Variants in GRIN2A observed in about 807,000 individuals in gnomAD.
The protein encoded by GRIN2A is glutamate ionotropic receptor NMDA type subunit 2A.
Under a neutral mutation model 113.4 loss-of-function variants are expected in GRIN2A, and 22 were observed. The ratio of observed to expected loss-of-function variants is 0.19; its 90% confidence interval spans 0.14 to 0.28. The LOEUF is 0.28. Ranked by LOEUF, GRIN2A falls within the 10% of genes least tolerant of loss-of-function variation. The pLI is 1.00. For synonymous variants in GRIN2A, 827 were observed against 738.4 expected (o/e 1.12, Z -1.94); for missense variants, 1,502 against 1,887.0 (o/e 0.80, Z 3.78).
chr16:9,871,795 G>C (rs2043266844), intron 4 of GRIN2A, among the ~76,000 whole-genome samples: 1 of 151,868 alleles, frequency 6.6e-6, no homozygotes, highest in Non-Finnish European at 1.5e-5. Context: ...TTTTTTTTTG[G>C]AATGATGCAA....
intron 2 of GRIN2A, among the ~76,000 whole-genome samples, chr16:10,135,783 A>G (rs1489383846): frequency 6.6e-6 from 1 of 152,198 alleles, no homozygotes; most frequent in Non-Finnish European, 1.5e-5. Flanking sequence ...CTCTTAAGGC[A>G]TCTGACTGAT....
At chr16:10,004,841 T>C (rs2046378543) in intron 2 of GRIN2A, among the ~76,000 whole-genome samples, 1 of 152,172 alleles carries the variant, frequency 6.6e-6, no homozygotes, top group Non-Finnish European at 1.5e-5. Context: ...CCTTTTGTCA[T>C]GTAAGGTAAC....
chr16:9,862,455 AC>A (rs1001914593), intron 4 of GRIN2A, among the ~76,000 whole-genome samples: 4 of 152,146 alleles, frequency 2.6e-5, no homozygotes, highest in African/African-American at 9.7e-5. Flanking sequence ...TCCATGAACA[AC>A]CCGCATCTCT....
At chr16:9,843,187 T>C (rs2042713795) in intron 5 of GRIN2A, among the ~76,000 whole-genome samples, 1 of 152,020 alleles carries the variant, frequency 6.6e-6, no homozygotes. Flanking sequence ...TTTTCTTTTT[T>C]ACATTTTTAG....
chr16:9,987,464 A>G (rs1236638320), intron 2 of GRIN2A, among the ~76,000 whole-genome samples: 1 of 152,206 alleles, frequency 6.6e-6, no homozygotes, highest in Non-Finnish European at 1.5e-5. Context: ...AATAGTAGCT[A>G]CCTGATAACA....
At chr16:10,035,608 C>T (rs1466852303) in intron 2 of GRIN2A, among the ~76,000 whole-genome samples, 1 of 152,230 alleles carries the variant, frequency 6.6e-6, no homozygotes, top group Non-Finnish European at 1.5e-5. Context: ...GCATCACCCA[C>T]TGGAGTCACC....
rs768453672 is a variant in GRIN2A, at chr16:9,762,266, A to G, written c.*883T>C. ...CTGAGTCATCACCAGAAGGGAGGAA[A>G]TGCAAACTTACGTACATAGGCGTCT... On this transcript the variant is annotated 3_prime_UTR_variant, in exon 13 of 13. Transcript: ENST00000330684. The G allele has an allele frequency of 1.3e-5, 3 of 225,870 alleles. No individual in the cohort carries two copies. Among genetic ancestry groups the G allele is most frequent in the South Asian group, 3.6e-4 (2 of 5,480 alleles). The allele number at this position is 225,870 out of a possible 1,614,324, so 14.0% of individuals were successfully genotyped here. A position where few individuals can be genotyped will look rare whatever the true frequency, so the allele number is the denominator to read the frequency against.
chr16:10,095,538 T>C (rs918146670), intron 2 of GRIN2A, among the ~76,000 whole-genome samples: 1 of 152,168 alleles, frequency 6.6e-6, no homozygotes, highest in African/African-American at 2.4e-5. Flanking sequence ...AAAACATCAA[T>C]GGATGCTAAA....
At chr16:9,829,699 C>G (rs375306587) in intron 8 of GRIN2A, 47 bp from the exon 9 acceptor site, 6 of 1,417,906 alleles carry the variant, frequency 4.2e-6, no homozygotes, top group Non-Finnish European at 6.0e-6. Context: ...GAAAAAAATG[C>G]CTGTTTGTGT....
At chr16:10,094,597 C>G (rs2048248831) in intron 2 of GRIN2A, among the ~76,000 whole-genome samples, 1 of 151,938 alleles carries the variant, frequency 6.6e-6, no homozygotes, top group Non-Finnish European at 1.5e-5. Flanking sequence ...GTACAGGCAC[C>G]CACCACAATG....
intron 2 of GRIN2A, among the ~76,000 whole-genome samples, chr16:10,054,813 C>T (rs912526386): frequency 2.0e-5 from 3 of 151,384 alleles, no homozygotes; most frequent in South Asian, 2.1e-4. Flanking sequence ...TTTGGGAGGC[C>T]GAGGTGGGCG....
chr16:10,111,565 AAG>A lies in GRIN2A; in HGVS notation c.414+68431_414+68432del, dbSNP rs1199761692. 4.8e-6 allele frequency: 4 copies of A among 837,094 alleles called. No individual in the cohort carries two copies. The East Asian group carries it at 9.7e-5, about 20-fold the overall frequency. The allele number at this position is 837,094 out of a possible 1,614,324, so 51.9% of individuals were successfully genotyped here. ...AGCCCTGACCCGGAAGATCATGCTG[AAG>A]ACACCACTGATCTCTTCCCCTATGG... On this transcript the variant is annotated intron_variant, in intron 2 of 12. Coordinates refer to ENST00000330684, the MANE Select transcript of GRIN2A (RefSeq NM_001134407.3).
Position 10,054,917 on chromosome 16 carries a change from C to T in GRIN2A, c.415-116366G>A, listed in dbSNP as rs7184932. On this transcript the variant is annotated intron_variant, in intron 2 of 12. Coordinates refer to ENST00000330684, the MANE Select transcript of GRIN2A (RefSeq NM_001134407.3). ...AAAAAATTAGCCGGACATGGTGGCA[C>T]GCGTCTGTAGTCCCAACTACTCAGG... Among the ~76,000 whole-genome samples the T allele has an allele frequency of 6.6e-3, 996 of 151,024 alleles. 14 individuals carry two copies. The highest frequency in any genetic ancestry group is 0.022 in the African/African-American group (888 of 41,182).
At chr16:9,853,161 G>T (rs749770663) in intron 4 of GRIN2A, among the ~76,000 whole-genome samples, 20 of 152,192 alleles carry the variant, frequency 1.3e-4, no homozygotes, top group Non-Finnish European at 2.6e-4. Flanking sequence ...AATTGTGGAG[G>T]AGCAGAGAAG....
At position 9,829,650 on chromosome 16, in the gene GRIN2A, G is replaced by A. The variant is rs367543140; in HGVS notation, c.1780C>T (p.Pro594Ser). The A allele has an allele frequency of 1.4e-5, 23 of 1,608,676 alleles. No individual in the cohort carries two copies. The East Asian group carries it at 3.3e-4, about 23-fold the overall frequency. ...YNRNLAKGKAPHGPSFTIGKA... is the reference protein window; with the variant it reads ...YNRNLAKGKASHGPSFTIGKA... Reference sequence around the variant, plus strand: ...CCAATTGTAAAAGAAGGCCCATGGGGTGCTGCAGAAGATGAAAAGGACATT... The same window carrying A: ...CCAATTGTAAAAGAAGGCCCATGGGATGCTGCAGAAGATGAAAAGGACATT... The change falls in exon 9 of 13, where the codon CCC becomes TCC. Residue 594 changes from proline (P) to serine (S), a missense_variant and splice_region_variant. Coordinates refer to ENST00000330684, the MANE Select transcript of GRIN2A (RefSeq NM_001134407.3).
intron 12 of GRIN2A, among the ~76,000 whole-genome samples, chr16:9,766,220 T>G (rs899629385): frequency 2.0e-5 from 3 of 152,214 alleles, no homozygotes; most frequent in Non-Finnish European, 4.4e-5. Context: ...CTGCTGACTT[T>G]GGCATAAACT....
intron 2 of GRIN2A, among the ~76,000 whole-genome samples, chr16:9,977,343 G>T (rs778218995): frequency 1.6e-4 from 24 of 152,000 alleles, no homozygotes; most frequent in Admixed American, 2.6e-4. Flanking sequence ...TGAATCCTGG[G>T]TTTATCATTT....
chr16:10,037,462 G>A (rs2047058236), intron 2 of GRIN2A, among the ~76,000 whole-genome samples: 1 of 152,066 alleles, frequency 6.6e-6, no homozygotes, highest in African/African-American at 2.4e-5. Context: ...GCATTATCCA[G>A]AGTGATCATT....
chr16:10,119,605 A>T (rs1596526454), intron 2 of GRIN2A, among the ~76,000 whole-genome samples: 1 of 152,216 alleles, frequency 6.6e-6, no homozygotes. Flanking sequence ...TCAGGGGTAC[A>T]TGTGCAGGTT....
Sources: allele counts gnomAD v4.1 joint callset (sites outside exome capture counted in the v4.1 genomes callset), GRCh38; gene constraint gnomAD v4.1.1; transcripts MANE v1.5; gene names NCBI Gene and HGNC (gene_info 2026-07-23, HGNC 2026-07-21).